ATL2: variants seen among roughly 807,000 people sequenced by gnomAD.
ATL2 encodes atlastin-2.
In ATL2, 31 loss-of-function variants were observed where a neutral mutation model predicts 73.9. That is an observed-to-expected ratio of 0.42 (90% CI 0.32 to 0.57). The LOEUF (loss-of-function observed/expected upper bound fraction) is 0.57. ATL2 is among the 20% of genes least tolerant of loss of function. The pLI, the probability that ATL2 is intolerant of heterozygous loss-of-function variation, is 0.14. For missense variants in ATL2, 738 were observed against 702.6 expected, an observed-to-expected ratio of 1.05 and a Z score of -0.57; for synonymous variants, 291 against 237.5, an observed-to-expected ratio of 1.23 and a Z score of -2.07.
intron 4 of ATL2, among the ~76,000 whole-genome samples, chr2:38,316,042 T>G (rs549643739): frequency 6.6e-6 from 1 of 151,962 alleles, no homozygotes; most frequent in South Asian, 2.1e-4. Context: ...CTTTAGACAG[T>G]AATCTACACT....
intron 2 of ATL2, among the ~76,000 whole-genome samples, chr2:38,329,708 G>C (rs1175046960): frequency 1.3e-5 from 2 of 152,060 alleles, no homozygotes; most frequent in African/African-American, 4.8e-5. Flanking sequence ...CAAAATATTA[G>C]CAAATCAAAT....
intron 2 of ATL2, among the ~76,000 whole-genome samples, chr2:38,340,538 C>T (rs1261526159): frequency 2.0e-5 from 3 of 152,160 alleles, no homozygotes; most frequent in Non-Finnish European, 4.4e-5. Flanking sequence ...TCTTATAAAA[C>T]TACTCACTAC....
In ATL2 at chr2:38,339,147, C is replaced by T. The variant is rs574788459; in HGVS notation, c.363+4121G>A. 2.9e-3 allele frequency among the ~76,000 whole-genome samples: 437 copies of T among 152,122 alleles called. 8 individuals carry two copies. The South Asian group carries it at 0.035, about 12-fold the overall frequency. On this transcript the variant is annotated intron_variant, in intron 2 of 12. Coordinates refer to ENST00000378954, the MANE Select transcript of ATL2 (RefSeq NM_001135673.4). ...GAGATAATCGCTTGAACTCAGGAGG[C>T]GGAGGTTGCAGTGAGCCGAGACTGC...
At chr2:38,356,391 G>A (rs1670669550) in intron 1 of ATL2, among the ~76,000 whole-genome samples, 3 of 151,072 alleles carry the variant, frequency 2.0e-5, no homozygotes, top group Non-Finnish European at 4.4e-5. Context: ...GTTTCACCAT[G>A]TTGCCCAGGC....
At chr2:38,377,292 A>G (rs979037381), upstream of ATL2, 4 of 1,500,910 alleles carry the variant, frequency 2.7e-6, no homozygotes, top group African/African-American at 4.3e-5. Context: ...CTCCCCACTG[A>G]CGTCAAACGC....
At position 38,376,275 on chromosome 2, in the gene ATL2, G is replaced by T; in HGVS notation, c.118+868C>A. The stretch of plus-strand genomic sequence containing the variant: ...AAATAGGGGTGTTATGAGTGAGAGG[G>T]ATACACTGCGCTGCCAACGCAACTG... On this transcript the variant is annotated intron_variant, in intron 1 of 12. Coordinates refer to ENST00000378954, the MANE Select transcript of ATL2 (RefSeq NM_001135673.4). The T allele has an allele frequency of 2.9e-6, 4 of 1,368,932 alleles. No homozygotes were observed. In the South Asian group the frequency reaches 7.2e-5, roughly 25 times the overall value. The allele number at this position is 1,368,932 out of a possible 1,614,324, so 84.8% of individuals were successfully genotyped here.
intron 4 of ATL2, 137 bp downstream of exon 4, chr2:38,318,398 A>C: frequency 1.9e-6 from 1 of 513,610 alleles, no homozygotes. Flanking sequence ...CCCAGGAGGC[A>C]GAGGTTGCAG....
rs1666754305 is a variant in ATL2, at chr2:38,294,114, T to C, written c.*1880A>G. On this transcript the variant is annotated 3_prime_UTR_variant, in exon 13 of 13. Coordinates refer to ENST00000378954, the MANE Select transcript of ATL2 (RefSeq NM_001135673.4). ...GTGGATTCTTTAAGAACAGATAAGT[T>C]AGCAATTTAATACAGATGAAAACAA... Among the ~76,000 whole-genome samples the C allele has an allele frequency of 6.6e-6, 1 of 152,190 alleles. No homozygotes were observed. The highest frequency in any genetic ancestry group is 1.5e-5 in the Non-Finnish European group (1 of 68,028).
At chr2:38,313,273 T>C (rs748386508) in intron 6 of ATL2, 30 bp from the exon 7 acceptor site, 1 of 1,518,586 alleles carries the variant, frequency 6.6e-7, no homozygotes, top group South Asian at 1.2e-5. Flanking sequence ...AAATTGTTTA[T>C]TTTACAATAA....
intron 1 of ATL2, among the ~76,000 whole-genome samples, chr2:38,353,161 T>G (rs1325989797): frequency 6.6e-6 from 1 of 152,162 alleles, no homozygotes; most frequent in African/African-American, 2.4e-5. Context: ...AGCAGACAAA[T>G]GCTTTTAACC....
intron 1 of ATL2, among the ~76,000 whole-genome samples, chr2:38,370,213 C>T (rs1355647681): frequency 6.7e-6 from 1 of 149,452 alleles, no homozygotes; most frequent in African/African-American, 2.5e-5. Flanking sequence ...ACCTGTAATC[C>T]CAGCACTTTG....
At chr2:38,296,845 A>T in intron 12 of ATL2, 1 of 1,247,418 alleles carries the variant, frequency 8.0e-7, no homozygotes, top group South Asian at 1.6e-5. Context: ...ATTGTTTTGT[A>T]ATAATGGTAC....
At chr2:38,367,377 G>A (rs1671389759) in intron 1 of ATL2, among the ~76,000 whole-genome samples, 2 of 151,598 alleles carry the variant, frequency 1.3e-5, no homozygotes, top group South Asian at 2.1e-4. Context: ...GCCAAGGCGG[G>A]CAGATCACGA....
chr2:38,352,943 C>T (rs768387288), intron 1 of ATL2, among the ~76,000 whole-genome samples: 3 of 152,162 alleles, frequency 2.0e-5, no homozygotes, highest in Non-Finnish European at 4.4e-5. Flanking sequence ...GAAGCAAAGC[C>T]AAGGTCAAGA....
chr2:38,374,643 CA>C (rs924946534), intron 1 of ATL2, among the ~76,000 whole-genome samples: 1 of 152,194 alleles, frequency 6.6e-6, no homozygotes, highest in African/African-American at 2.4e-5. Context: ...TGACCATCAA[CA>C]ATTTTTTAAT....
In ATL2 at chr2:38,319,864, T is replaced by C. The variant is rs543544207; in HGVS notation, c.364-845A>G. On this transcript the variant is annotated intron_variant, in intron 2 of 12. Transcript: ENST00000378954. ...GGCTCATGCCTGTAACCCTAGCACT[T>C]TGGGAGGACGAGGCAGGTGGCTCAC... Among the ~76,000 whole-genome samples the C allele has an allele frequency of 5.3e-5, 8 of 152,216 alleles. No individual in the cohort carries two copies. The East Asian group carries it at 1.4e-3, about 26-fold the overall frequency.
intron 1 of ATL2, among the ~76,000 whole-genome samples, chr2:38,345,817 T>C (rs1032827786): frequency 6.6e-6 from 1 of 152,238 alleles, no homozygotes. Flanking sequence ...CCTCGATGCA[T>C]GTCACTTAAC....
At chr2:38,314,523 T>C (rs576856654) in intron 6 of ATL2, 85 bp downstream of exon 6, 44 of 902,880 alleles carry the variant, frequency 4.9e-5, no homozygotes, top group East Asian at 7.5e-5. Context: ...TATTGTAATA[T>C]CCTGGTGTCT....
At chr2:38,349,465 C>G (rs1464505871) in intron 1 of ATL2, among the ~76,000 whole-genome samples, 1 of 134,672 alleles carries the variant, frequency 7.4e-6, no homozygotes, top group Non-Finnish European at 1.5e-5. Flanking sequence ...TAGATGGGAA[C>G]TGAACAATGA....
Sources: allele counts gnomAD v4.1 joint callset (sites outside exome capture counted in the v4.1 genomes callset), GRCh38; gene constraint gnomAD v4.1.1; transcripts MANE v1.5; gene names NCBI Gene and HGNC (gene_info 2026-07-23, HGNC 2026-07-21).